GRIK4: variants seen among roughly 807,000 people sequenced by gnomAD.
GRIK4 encodes glutamate ionotropic receptor kainate type subunit 4, also known as glutamate receptor ionotropic, kainate 4.
In GRIK4, 40 loss-of-function variants were observed where a neutral mutation model predicts 104.9. The observed-to-expected ratio is 0.38, with a 90% CI of 0.30 to 0.50. The LOEUF (loss-of-function observed/expected upper bound fraction) is 0.50. Ranked by LOEUF, GRIK4 falls within the 20% of genes least tolerant of loss-of-function variation. The probability of loss-of-function intolerance (pLI) is 0.93; values close to 1 mark genes in which losing one functional copy is unlikely to be tolerated. For synonymous variants in GRIK4, 485 were observed against 524.9 expected, an observed-to-expected ratio of 0.92 and a Z score of 1.04; for missense variants, 1,047 against 1,308.1, an observed-to-expected ratio of 0.80 and a Z score of 3.08.
At chr11:120,761,077 G>T (rs145187251) in intron 3 of GRIK4, among the ~76,000 whole-genome samples, 4,643 of 152,180 alleles carry the variant, frequency 0.031, 189 homozygotes, top group African/African-American at 0.089. Context: ...GTGTAAAAAC[G>T]TTCCTATTTC....
chr11:120,706,644 G>A (rs775298793), intron 3 of GRIK4, among the ~76,000 whole-genome samples: 1 of 152,202 alleles, frequency 6.6e-6, no homozygotes, highest in Non-Finnish European at 1.5e-5. Context: ...CCTAGAAAAC[G>A]TTCGACCTAT....
At chr11:120,766,235 C>T (rs965439883) in intron 3 of GRIK4, among the ~76,000 whole-genome samples, 6 of 152,216 alleles carry the variant, frequency 3.9e-5, no homozygotes, top group South Asian at 2.1e-4. Flanking sequence ...AATTTCCCAG[C>T]GGCTTTGTTT....
intron 8 of GRIK4, among the ~76,000 whole-genome samples, chr11:120,852,188 A>G (rs1953989410): frequency 6.6e-6 from 1 of 152,138 alleles, no homozygotes; most frequent in Non-Finnish European, 1.5e-5. Context: ...GCACCTAGAG[A>G]CCCAGAACAG....
intron 11 of GRIK4, among the ~76,000 whole-genome samples, chr11:120,883,032 C>T (rs180893194): frequency 6.6e-6 from 1 of 152,302 alleles, no homozygotes; most frequent in African/African-American, 2.4e-5. Context: ...TCCAGTGCTC[C>T]GTTTATGTGC....
intron 1 of GRIK4, among the ~76,000 whole-genome samples, chr11:120,515,769 A>T (rs193283942): frequency 6.6e-6 from 1 of 152,360 alleles, no homozygotes; most frequent in East Asian, 1.9e-4. Context: ...AAAATAGGGT[A>T]TGCCTTACAT....
chr11:120,690,724 C>T (rs1565297385), intron 3 of GRIK4, among the ~76,000 whole-genome samples: 1 of 152,226 alleles, frequency 6.6e-6, no homozygotes, highest in Non-Finnish European at 1.5e-5. Context: ...CACCAACAGC[C>T]AGGTGTCTTG....
rs1262294162 is a variant in GRIK4, at chr11:120,929,022, CATGT to C, written c.1477-11324_1477-11321del. On this transcript the variant is annotated intron_variant, in intron 13 of 20. Transcript: ENST00000527524. ...GCACGCGTGTATGTGTGTGTGCGCA[CATGT>C]GTGTGTGTGTGTGTGTCTGTGTGTT... Among the ~76,000 whole-genome samples, 31 of 149,000 alleles carry C rather than the reference CATGT, an allele frequency of 2.1e-4. 2 individuals carry two copies. Among genetic ancestry groups the C allele is most frequent in the Middle Eastern group, 3.4e-3 (1 of 294 alleles).
intron 1 of GRIK4, among the ~76,000 whole-genome samples, chr11:120,519,865 G>GTTTT (rs1311313035): frequency 7.4e-4 from 76 of 102,490 alleles, no homozygotes; most frequent in African/African-American, 2.7e-3. Flanking sequence ...CTCACTACTG[G>GTTTT]TTTTTTTTTT....
At chr11:120,899,777 C>G (rs1942682512) in intron 12 of GRIK4, among the ~76,000 whole-genome samples, 1 of 152,308 alleles carries the variant, frequency 6.6e-6, no homozygotes, top group South Asian at 2.1e-4. Flanking sequence ...GCACTTTTCC[C>G]TGCCTGGCCC....
intron 1 of GRIK4, among the ~76,000 whole-genome samples, chr11:120,543,978 G>C (rs911550225): frequency 3.3e-5 from 5 of 152,224 alleles, no homozygotes; most frequent in Non-Finnish European, 7.3e-5. Context: ...AGGGGCTGGT[G>C]GGGAGGGGAA....
intron 8 of GRIK4, among the ~76,000 whole-genome samples, chr11:120,853,683 A>G (rs1052461942): frequency 3.3e-5 from 5 of 152,258 alleles, no homozygotes; most frequent in Non-Finnish European, 7.3e-5. Flanking sequence ...AGCAGATCCA[A>G]GTGGCAAGAT....
rs759907254 is a variant in GRIK4 at position 120,784,970 on chromosome 11, A to C, written c.83-17723A>C. Among the ~76,000 whole-genome samples the C allele has an allele frequency of 1.1e-3, 164 of 152,256 alleles. No homozygotes were observed. The Middle Eastern group carries it at 0.017, about 16-fold the overall frequency. ...TGAATTATCCCGGACAATGAAGCTG[A>C]TCTGGGCTAGGTCTCCCCTGGAGGT... On this transcript the variant is annotated intron_variant, in intron 3 of 20. Transcript: ENST00000527524.
In GRIK4 at chr11:120,601,647, G is replaced by GTTTT. The variant is rs779169082; in HGVS notation, c.-158-52022_-158-52019dup. The stretch of plus-strand genomic sequence containing the variant: ...TGGTTCTGTTGTTGTTGTGTGTGTG[G>GTTTT]TTTTTTTTTTTTTTTTTTTAAGTTG... On this transcript the variant is annotated intron_variant, in intron 1 of 20. Transcript: ENST00000527524. 8.0e-5 allele frequency among the ~76,000 whole-genome samples: 10 copies of GTTTT among 125,186 alleles called. 1 individual carries two copies. Among genetic ancestry groups the GTTTT allele is most frequent in the African/African-American group, 1.5e-4 (5 of 32,568 alleles). The allele number at this position is 125,186 out of a possible 152,430, so 82.1% of individuals were successfully genotyped here. A position where few individuals can be genotyped will look rare whatever the true frequency, so the allele number is the denominator to read the frequency against.
intron 4 of GRIK4, among the ~76,000 whole-genome samples, chr11:120,812,964 A>T (rs899578237): frequency 3.9e-5 from 6 of 152,372 alleles, no homozygotes; most frequent in African/African-American, 1.4e-4. Flanking sequence ...CTGGAGGAGA[A>T]TCCAGATTGC....
intron 1 of GRIK4, among the ~76,000 whole-genome samples, chr11:120,547,475 A>C (rs769882509): frequency 8.5e-5 from 13 of 152,184 alleles, no homozygotes; most frequent in Non-Finnish European, 1.9e-4. Context: ...TCACACAGGC[A>C]TAAAATCTCA....
chr11:120,730,184 G>GTC (rs1375572235), intron 3 of GRIK4, among the ~76,000 whole-genome samples: 1 of 152,002 alleles, frequency 6.6e-6, no homozygotes, highest in Non-Finnish European at 1.5e-5. Flanking sequence ...GCAAAACCCT[G>GTC]TCTCTATGAA....
At chr11:120,948,728 T>A (rs1017805873) in intron 14 of GRIK4, among the ~76,000 whole-genome samples, 2 of 152,182 alleles carry the variant, frequency 1.3e-5, no homozygotes, top group African/African-American at 4.8e-5. Context: ...GAGGAAGGCA[T>A]CAGTATAAAA....
intron 8 of GRIK4, among the ~76,000 whole-genome samples, chr11:120,848,578 A>G (rs1050365533): frequency 1.3e-5 from 2 of 152,174 alleles, no homozygotes; most frequent in Non-Finnish European, 2.9e-5. Context: ...GAGTACCCCA[A>G]TATTAGGCTG....
At chr11:120,647,399 T>G (rs1949558337) in intron 1 of GRIK4, among the ~76,000 whole-genome samples, 1 of 152,208 alleles carries the variant, frequency 6.6e-6, no homozygotes, top group Non-Finnish European at 1.5e-5. Flanking sequence ...ACAGCTCTGG[T>G]CCTGGCCCTC....
Sources: allele counts gnomAD v4.1 joint callset (sites outside exome capture counted in the v4.1 genomes callset), GRCh38; gene constraint gnomAD v4.1.1; transcripts MANE v1.5; gene names NCBI Gene and HGNC (gene_info 2026-07-23, HGNC 2026-07-21).